SGCZ: variants seen among roughly 807,000 people sequenced by gnomAD.
The protein encoded by SGCZ is sarcoglycan zeta.
Under a neutral mutation model 41.3 loss-of-function variants are expected in SGCZ, and 40 were observed. The ratio of observed to expected loss-of-function variants is 0.97; its 90% confidence interval spans 0.75 to 1.26. The LOEUF is 1.26. Ranked by LOEUF, SGCZ falls within the 50% of genes most tolerant of loss-of-function variation. The pLI, the probability that SGCZ is intolerant of heterozygous loss-of-function variation, is 0.00. For synonymous variants in SGCZ, 206 were observed against 137.5 expected (o/e 1.50, Z -3.49); for missense variants, 552 against 369.8 (o/e 1.49, Z -4.04).
At chr8:14,992,396 C>G (rs1206572858) in intron 1 of SGCZ, among the ~76,000 whole-genome samples, 1 of 149,036 alleles carries the variant, frequency 6.7e-6, no homozygotes, top group Non-Finnish European at 1.5e-5. Flanking sequence ...TACCTCTCAC[C>G]CTCAACTATT....
chr8:15,221,814 G>T (rs1395799950), intron 1 of SGCZ, among the ~76,000 whole-genome samples: 1 of 152,158 alleles, frequency 6.6e-6, no homozygotes, highest in East Asian at 1.9e-4. Context: ...TGTAAAAGGA[G>T]AGAAACACTG....
chr8:14,347,821 T>C (rs148014478), intron 2 of SGCZ, among the ~76,000 whole-genome samples: 7 of 152,224 alleles, frequency 4.6e-5, no homozygotes, highest in African/African-American at 1.7e-4. Context: ...TAACTTGAAA[T>C]AATTCTATTC....
intron 1 of SGCZ, among the ~76,000 whole-genome samples, chr8:14,694,951 G>A (rs1808909501): frequency 6.6e-6 from 1 of 152,058 alleles, no homozygotes; most frequent in South Asian, 2.1e-4. Context: ...AGAAAAAAAT[G>A]ATCTCAAAAA....
At chr8:14,664,886 G>A (rs1227684933) in intron 1 of SGCZ, among the ~76,000 whole-genome samples, 1 of 152,108 alleles carries the variant, frequency 6.6e-6, no homozygotes, top group East Asian at 1.9e-4. Context: ...ATGGATTGTG[G>A]TTAGTAGAGG....
chr8:14,597,898 T>C lies in SGCZ; in HGVS notation c.40-42972A>G, dbSNP rs142337796. Among the ~76,000 whole-genome samples, 163 of 152,308 alleles carry C rather than the reference T, an allele frequency of 1.1e-3. 1 individual carries two copies. The highest frequency in any genetic ancestry group is 1.4e-3 in the Non-Finnish European group (93 of 68,032). On this transcript the variant is annotated intron_variant, in intron 1 of 7. Transcript: ENST00000382080. ...TCTAGCTTTGTCCCTAAAGAGTAAA[T>C]ATACAAAACCTATTCCTTTTGCTAC...
At chr8:14,995,396 G>A (rs975505293) in intron 1 of SGCZ, among the ~76,000 whole-genome samples, 2 of 152,190 alleles carry the variant, frequency 1.3e-5, no homozygotes, top group African/African-American at 2.4e-5. Context: ...CTTGGGAGAC[G>A]ATTAATAGGG....
At chr8:14,929,231 T>A (rs986446963) in intron 1 of SGCZ, among the ~76,000 whole-genome samples, 1 of 152,110 alleles carries the variant, frequency 6.6e-6, no homozygotes, top group South Asian at 2.1e-4. Flanking sequence ...GACCTCGTGA[T>A]CCACCCGCCT....
At chr8:14,222,237 C>T (rs188716310) in intron 4 of SGCZ, among the ~76,000 whole-genome samples, 1,599 of 151,982 alleles carry the variant, frequency 0.011, 16 homozygotes, top group Non-Finnish European at 0.017. Context: ...GTGGCGCAAT[C>T]TCCATTCACT....
intron 2 of SGCZ, among the ~76,000 whole-genome samples, chr8:14,460,632 A>T (rs1303797441): frequency 6.6e-6 from 1 of 152,128 alleles, no homozygotes; most frequent in Non-Finnish European, 1.5e-5. Context: ...ACCAACTGAG[A>T]AATACCAAAG....
At chr8:15,019,395 CT>C (rs1346283404) in intron 1 of SGCZ, among the ~76,000 whole-genome samples, 1 of 152,160 alleles carries the variant, frequency 6.6e-6, no homozygotes, top group African/African-American at 2.4e-5. Flanking sequence ...GTTAGAGCTG[CT>C]TAATGAAACA....
chr8:14,777,732 G>C (rs1051164858), intron 1 of SGCZ, among the ~76,000 whole-genome samples: 4 of 152,118 alleles, frequency 2.6e-5, no homozygotes, highest in African/African-American at 9.7e-5. Flanking sequence ...ATGTATGTGG[G>C]TATGTGTGTG....
chr8:14,146,374 T>C (rs1264984949), intron 5 of SGCZ, among the ~76,000 whole-genome samples: 1 of 152,002 alleles, frequency 6.6e-6, no homozygotes, highest in African/African-American at 2.4e-5. Context: ...AAATAAAAAC[T>C]TCCCCAGACA....
At chr8:14,992,453 C>T (rs184252927) in intron 1 of SGCZ, among the ~76,000 whole-genome samples, 169 of 149,118 alleles carry the variant, frequency 1.1e-3, no homozygotes, top group Non-Finnish European at 1.5e-3. Flanking sequence ...CTCACCCATC[C>T]TCCTCATCCA....
chr8:14,819,435 C>T (rs1202983501), intron 1 of SGCZ, among the ~76,000 whole-genome samples: 2 of 152,046 alleles, frequency 1.3e-5, no homozygotes, highest in Non-Finnish European at 2.9e-5. Context: ...GCAAAATTGG[C>T]CTTATAGGGA....
At chr8:14,382,707 C>T (rs777134788) in intron 2 of SGCZ, among the ~76,000 whole-genome samples, 1 of 152,162 alleles carries the variant, frequency 6.6e-6, no homozygotes, top group Non-Finnish European at 1.5e-5. Flanking sequence ...ATATGCCACA[C>T]TAGTGTGAAT....
chr8:14,163,705 C>G (rs1286615531), intron 5 of SGCZ, among the ~76,000 whole-genome samples: 1 of 152,106 alleles, frequency 6.6e-6, no homozygotes, highest in Non-Finnish European at 1.5e-5. Context: ...TCAACCCAAA[C>G]AACCCAAGAA....
At chr8:15,126,895 G>C (rs1807711334) in intron 1 of SGCZ, among the ~76,000 whole-genome samples, 1 of 152,196 alleles carries the variant, frequency 6.6e-6, no homozygotes, top group Non-Finnish European at 1.5e-5. Flanking sequence ...AGGACATGGA[G>C]ACTGAGACCA....
At chr8:14,474,743 T>C (rs113884184) in intron 2 of SGCZ, among the ~76,000 whole-genome samples, 1,797 of 152,306 alleles carry the variant, frequency 0.012, 41 homozygotes, top group African/African-American at 0.042. Context: ...TAGATTTTGA[T>C]TCACACTAAA....
chr8:15,037,753 T>C (rs1466109388), intron 1 of SGCZ, among the ~76,000 whole-genome samples: 12 of 152,158 alleles, frequency 7.9e-5, no homozygotes, highest in Non-Finnish European at 1.6e-4. Context: ...AAAAACTGTT[T>C]AGAAATAATA....
Sources: allele counts gnomAD v4.1 joint callset (sites outside exome capture counted in the v4.1 genomes callset), GRCh38; gene constraint gnomAD v4.1.1; transcripts MANE v1.5; gene names NCBI Gene and HGNC (gene_info 2026-07-23, HGNC 2026-07-21).